Variants in NAV2 observed in about 807,000 individuals in gnomAD.
NAV2 encodes the protein helicase, APC down-regulated 1.
In NAV2, 54 loss-of-function variants were observed where a neutral mutation model predicts 223.2. The ratio of observed to expected loss-of-function variants is 0.24; its 90% CI spans 0.19 to 0.30. The LOEUF is 0.30. Ranked by LOEUF, NAV2 falls within the 10% of genes least tolerant of loss-of-function variation. The pLI is 1.00. For synonymous variants in NAV2, 1,279 were observed against 1,239.3 expected, an observed-to-expected ratio of 1.03 and a Z score of -0.67; for missense variants, 2,806 against 3,147.5, an observed-to-expected ratio of 0.89 and a Z score of 2.60.
chr11:19,693,277 T>C (rs2049236042), intron 1 of NAV2, among the ~76,000 whole-genome samples: 1 of 152,236 alleles, frequency 6.6e-6, no homozygotes, highest in Non-Finnish European at 1.5e-5. Context: ...AGATAGCCGA[T>C]GGCTTGTTTG....
chr11:19,748,035 T>A (rs754978918), intron 1 of NAV2, among the ~76,000 whole-genome samples: 10 of 152,166 alleles, frequency 6.6e-5, no homozygotes, highest in Non-Finnish European at 1.3e-4. Flanking sequence ...ATGCTGGGCA[T>A]GTAGTGAGAC....
At chr11:19,657,182 A>G (rs1039639289) in intron 1 of NAV2, among the ~76,000 whole-genome samples, 4 of 152,086 alleles carry the variant, frequency 2.6e-5, no homozygotes, top group African/African-American at 9.7e-5. Flanking sequence ...GATGAGTAAG[A>G]CCAGTGGCTC....
chr11:19,896,620 C>T lies in NAV2; in HGVS notation c.931+4026C>T, dbSNP rs112481079. Among the ~76,000 whole-genome samples, 91 of 152,272 alleles carry T rather than the reference C, an allele frequency of 6.0e-4. 1 individual carries two copies. Among genetic ancestry groups the T allele is most frequent in the African/African-American group, 2.1e-3 (86 of 41,556 alleles). On this transcript the variant is annotated intron_variant, in intron 6 of 37. Coordinates refer to ENST00000349880, the MANE Select transcript of NAV2 (RefSeq NM_145117.5). ...TCCCCAAGGGTCATCCATGTCATAG[C>T]CTGCAATTCATAGGCTTTAATGTGT...
intron 5 of NAV2, among the ~76,000 whole-genome samples, chr11:19,885,691 A>G (rs1474067553): frequency 6.6e-6 from 1 of 152,128 alleles, no homozygotes. Flanking sequence ...AGGATATTTT[A>G]TTTGCTTTTT....
chr11:20,057,386 A>T (rs188087947), intron 19 of NAV2, among the ~76,000 whole-genome samples: 1 of 152,178 alleles, frequency 6.6e-6, no homozygotes, highest in Non-Finnish European at 1.5e-5. Flanking sequence ...ATACCATGAC[A>T]TTCAGTGAAC....
chr11:19,466,233 A>T (rs1852345061), intron 1 of NAV2, among the ~76,000 whole-genome samples: 1 of 152,140 alleles, frequency 6.6e-6, no homozygotes, highest in African/African-American at 2.4e-5. Context: ...TGGATATTTC[A>T]TTTGTCTGTA....
intron 1 of NAV2, among the ~76,000 whole-genome samples, chr11:19,613,735 T>C (rs1456086723): frequency 1.3e-5 from 2 of 152,216 alleles, no homozygotes; most frequent in African/African-American, 2.4e-5. Context: ...TAACTAGCTA[T>C]ATGACCTTCG....
chr11:20,090,320 G>T (rs2060751562), intron 26 of NAV2, among the ~76,000 whole-genome samples: 1 of 152,154 alleles, frequency 6.6e-6, no homozygotes, highest in African/African-American at 2.4e-5. Flanking sequence ...GGGGGAGGGG[G>T]TTATCAAACT....
intron 1 of NAV2, among the ~76,000 whole-genome samples, chr11:19,425,577 A>G (rs532894955): frequency 6.6e-6 from 1 of 152,258 alleles, no homozygotes; most frequent in South Asian, 2.1e-4. Flanking sequence ...TTCTCTGTTT[A>G]TTTTACGTGG....
At chr11:19,990,257 T>G (rs1053645876) in intron 11 of NAV2, among the ~76,000 whole-genome samples, 5 of 152,132 alleles carry the variant, frequency 3.3e-5, no homozygotes, top group African/African-American at 1.2e-4. Flanking sequence ...TTATTGCAAT[T>G]TTTGTATTGT....
At chr11:19,487,604 A>C (rs1372127460) in intron 1 of NAV2, among the ~76,000 whole-genome samples, 1 of 152,214 alleles carries the variant, frequency 6.6e-6, no homozygotes, top group African/African-American at 2.4e-5. Flanking sequence ...GCCATGTTAC[A>C]TAGGTCCATG....
intron 1 of NAV2, among the ~76,000 whole-genome samples, chr11:19,392,334 CAT>C (rs1328302241): frequency 6.6e-6 from 1 of 151,810 alleles, no homozygotes; most frequent in African/African-American, 2.4e-5. Context: ...AACTCAGTTA[CAT>C]ATATTTTGTT....
At chr11:19,902,546 AT>A (rs1199220238) in intron 6 of NAV2, among the ~76,000 whole-genome samples, 1 of 152,224 alleles carries the variant, frequency 6.6e-6, no homozygotes, top group Non-Finnish European at 1.5e-5. Context: ...GATCTATTTG[AT>A]TAGTCTTGTC....
intron 1 of NAV2, among the ~76,000 whole-genome samples, chr11:19,731,533 C>T (rs1236270935): frequency 6.6e-6 from 1 of 152,210 alleles, no homozygotes; most frequent in Non-Finnish European, 1.5e-5. Flanking sequence ...GAACCATAAA[C>T]ACTGTGGGTA....
chr11:19,896,103 G>C (rs2041963039), intron 6 of NAV2, among the ~76,000 whole-genome samples: 1 of 152,168 alleles, frequency 6.6e-6, no homozygotes, highest in African/African-American at 2.4e-5. Context: ...AAGTGAGTCA[G>C]ACTCTGACTG....
rs181921688 is a variant in NAV2, at chr11:19,545,426, C to T, written c.75+194399C>T. 1.1e-3 allele frequency among the ~76,000 whole-genome samples: 170 copies of T among 151,592 alleles called. 1 individual carries two copies. Among genetic ancestry groups the T allele is most frequent in the Non-Finnish European group, 2.0e-3 (137 of 67,992 alleles). On this transcript the variant is annotated intron_variant, in intron 1 of 37. Coordinates refer to the NAV2 transcript ENST00000360655. ...GGCTCCCTTCCTGTGGGAAGACTGC[C>T]AGGTGGATGGTGAAAGGAAGAAGGT...
intron 1 of NAV2, among the ~76,000 whole-genome samples, chr11:19,508,701 A>G (rs535591964): frequency 6.6e-6 from 1 of 152,354 alleles, no homozygotes; most frequent in Non-Finnish European, 1.5e-5. Context: ...TTTTAATTAA[A>G]TGATTATGAG....
rs115724277 is a variant in NAV2, at chr11:20,099,953, G to T, written c.6182-984G>T. Among the ~76,000 whole-genome samples the T allele has an allele frequency of 6.0e-3, 915 of 152,278 alleles. 8 individuals are homozygous for T. Among genetic ancestry groups the T allele is most frequent in the African/African-American group, 0.021 (856 of 41,544 alleles). On this transcript the variant is annotated intron_variant, in intron 31 of 37. Transcript: ENST00000349880. Reference sequence around the variant, plus strand: ...GAAAATCTTAGGCTTGTCCCTAGCAGATAAGACATCTGGGGGCCTTTGTCA... The same window carrying T: ...GAAAATCTTAGGCTTGTCCCTAGCATATAAGACATCTGGGGGCCTTTGTCA...
intron 11 of NAV2, among the ~76,000 whole-genome samples, chr11:20,000,377 C>T (rs924571734): frequency 2.2e-4 from 34 of 152,152 alleles, no homozygotes; most frequent in African/African-American, 8.2e-4. Context: ...AAGATCAGAA[C>T]CATAATTTGA....
Sources: gnomAD v4.1 joint callset for allele counts (sites outside exome capture counted in the v4.1 genomes callset) on GRCh38, gnomAD v4.1.1 for gene constraint, MANE v1.5 for transcripts, NCBI Gene and HGNC (gene_info 2026-07-23, HGNC 2026-07-21) for gene names.